SCAPER: variants seen among roughly 807,000 people sequenced by gnomAD.
SCAPER encodes S-phase cyclin A associated protein in the ER.
A neutral mutation model predicts 182.2 loss-of-function variants in SCAPER; 98 were observed. The ratio of observed to expected loss-of-function variants is 0.54; its 90% CI spans 0.46 to 0.64. The LOEUF is 0.64. SCAPER is among the 30% of genes least tolerant of loss of function. SCAPER has a pLI of 0.00. For missense variants in SCAPER, 1,432 were observed against 1,690.0 expected, an observed-to-expected ratio of 0.85 and a Z score of 2.68; for synonymous variants, 605 against 564.6, an observed-to-expected ratio of 1.07 and a Z score of -1.01.
chr15:76,784,930 G>A (rs2064464309), intron 8 of SCAPER, among the ~76,000 whole-genome samples: 1 of 152,158 alleles, frequency 6.6e-6, no homozygotes, highest in Non-Finnish European at 1.5e-5. Context: ...AAAAACTCTA[G>A]AAGAAAACCT....
rs2146493625 is a variant in SCAPER, at chr15:76,648,929, A to G, written c.2645+16724T>C. Reference sequence around the variant, plus strand: ...AGGTAGAGACCCTATCTGCATAATAAAAGATTAGGGTGGGATAGCCAGCTT... The same window carrying G: ...AGGTAGAGACCCTATCTGCATAATAGAAGATTAGGGTGGGATAGCCAGCTT... On this transcript the variant is annotated intron_variant, in intron 21 of 31. Transcript: ENST00000563290. Among the ~76,000 whole-genome samples the G allele has an allele frequency of 1.3e-5, 2 of 152,314 alleles. 1 individual carries two copies. Among genetic ancestry groups the G allele is most frequent in the South Asian group, 4.1e-4 (2 of 4,830 alleles).
intron 25 of SCAPER, 113 bp from the exon 26 acceptor site, chr15:76,434,423 AAG>A: frequency 6.5e-6 from 5 of 770,298 alleles, no homozygotes; most frequent in South Asian, 3.9e-5. Flanking sequence ...TAAAATGTTC[AAG>A]AGTGTTGGCT....
chr15:76,456,950 T>A (rs182275780), intron 25 of SCAPER, among the ~76,000 whole-genome samples: 3 of 152,316 alleles, frequency 2.0e-5, no homozygotes, highest in African/African-American at 7.2e-5. Flanking sequence ...TTTCAACCTG[T>A]ATTTATATGG....
At chr15:76,505,938 T>C (rs968254684) in intron 23 of SCAPER, among the ~76,000 whole-genome samples, 1 of 152,164 alleles carries the variant, frequency 6.6e-6, no homozygotes, top group Non-Finnish European at 1.5e-5. Flanking sequence ...ATCCTGTTAT[T>C]TGCAACAACA....
At chr15:76,487,634 C>G (rs549924354) in intron 24 of SCAPER, among the ~76,000 whole-genome samples, 1 of 152,006 alleles carries the variant, frequency 6.6e-6, no homozygotes, top group South Asian at 2.1e-4. Context: ...AGAGGAAATA[C>G]CTGGGAACTC....
In SCAPER at chr15:76,404,409, GAGGAAAGA is replaced by G. The variant is rs2044675910; in HGVS notation, c.3467+107_3467+114del. On this transcript the variant is annotated intron_variant, in intron 27 of 31. Transcript: ENST00000563290. ...AAGCCAATGATGGGGAAAGAACAAA[GAGGAAAGA>G]TGGCCAAGATGACCACTTGAATTCC... is the stretch of plus-strand genomic sequence containing the variant. The G allele has an allele frequency of 6.7e-6, 7 of 1,048,512 alleles. No homozygotes were observed. The African/African-American group carries it at 1.1e-4, about 17-fold the overall frequency. 65.0% of individuals were successfully genotyped at this position (1,048,512 alleles called of 1,614,324 possible).
At chr15:76,866,410 C>T (rs1360961623) in intron 2 of SCAPER, among the ~76,000 whole-genome samples, 1 of 152,154 alleles carries the variant, frequency 6.6e-6, no homozygotes, top group Non-Finnish European at 1.5e-5. Flanking sequence ...AACTTCAAAT[C>T]TAACATTCTT....
chr15:76,790,981 T>C (rs2064968895), intron 8 of SCAPER, among the ~76,000 whole-genome samples: 1 of 152,236 alleles, frequency 6.6e-6, no homozygotes, highest in South Asian at 2.1e-4. Context: ...TCTCACAAGT[T>C]GTTAAATGTT....
rs115063171 is a variant in SCAPER at position 76,800,275 on chromosome 15, G to A, written c.584C>T (p.Ser195Leu). Residue 195 changes from serine (S) to leucine (L), a missense_variant, in exon 7 of 32, where the codon TCA (serine) becomes TTA (leucine). Ser to Leu is a moderately radical substitution (Grantham distance 145, BLOSUM62 -2). Transcript: ENST00000563290. ...SPSTDRINVT[S>L]NARRSLNFGG... ...AAAATTTAAGCTTCGTCGAGCATTT[G>A]ATGTTACATTTATTCTATCTGTTGA... 1.9e-6 allele frequency: 3 copies of A among 1,612,142 alleles called. No homozygotes were observed. The African/African-American group carries it at 4.0e-5, about 22-fold the overall frequency.
chr15:76,673,152 A>T (rs1031160631), intron 20 of SCAPER, among the ~76,000 whole-genome samples: 2 of 152,128 alleles, frequency 1.3e-5, no homozygotes, highest in East Asian at 3.8e-4. Context: ...TATTATCAAC[A>T]TTTTCAAAAC....
intron 23 of SCAPER, among the ~76,000 whole-genome samples, chr15:76,514,608 G>C (rs180900818): frequency 6.6e-6 from 1 of 152,262 alleles, no homozygotes; most frequent in East Asian, 1.9e-4. Context: ...TGGCAGATGG[G>C]GAAAACTGTT....
intron 23 of SCAPER, among the ~76,000 whole-genome samples, chr15:76,531,814 T>A (rs774772239): frequency 7.2e-5 from 11 of 152,172 alleles, no homozygotes; most frequent in Non-Finnish European, 7.4e-5. Context: ...TACTGACCAG[T>A]CTTCAGTAAA....
intron 26 of SCAPER, among the ~76,000 whole-genome samples, chr15:76,430,473 G>C (rs555401042): frequency 6.6e-6 from 1 of 152,244 alleles, no homozygotes; most frequent in Non-Finnish European, 1.5e-5. Flanking sequence ...CGCCCAACAC[G>C]ATGGGAACCC....
chr15:76,604,965 T>C (rs2050247557), intron 22 of SCAPER, among the ~76,000 whole-genome samples: 1 of 152,194 alleles, frequency 6.6e-6, no homozygotes, highest in Non-Finnish European at 1.5e-5. Context: ...AATCATGTCA[T>C]CTGCAAACAG....
intron 23 of SCAPER, among the ~76,000 whole-genome samples, chr15:76,557,337 C>A (rs2145072509): frequency 6.6e-6 from 1 of 152,284 alleles, no homozygotes; most frequent in Non-Finnish European, 1.5e-5. Flanking sequence ...CTGGAGATAT[C>A]ACATTGCCCA....
intron 17 of SCAPER, among the ~76,000 whole-genome samples, chr15:76,712,879 T>G (rs79583818): frequency 0.37 from 56,236 of 150,664 alleles, 12,200 homozygotes; most frequent in Middle Eastern, 0.52. Flanking sequence ...TCATGTCATC[T>G]GCAAACAGGG....
At chr15:76,408,408 T>C (rs1470767953) in intron 26 of SCAPER, among the ~76,000 whole-genome samples, 1 of 152,124 alleles carries the variant, frequency 6.6e-6, no homozygotes, top group African/African-American at 2.4e-5. Flanking sequence ...CAGTGGAATG[T>C]TTTTGCAACT....
intron 21 of SCAPER, among the ~76,000 whole-genome samples, chr15:76,639,923 C>T (rs1164079269): frequency 5.9e-5 from 9 of 152,218 alleles, no homozygotes; most frequent in Non-Finnish European, 7.4e-5. Context: ...ATCCTTTAAT[C>T]AATATCATAG....
chr15:76,411,595 A>G (rs1414972666), intron 26 of SCAPER, among the ~76,000 whole-genome samples: 1 of 152,108 alleles, frequency 6.6e-6, no homozygotes, highest in Admixed American at 6.6e-5. Flanking sequence ...AATCCATGGG[A>G]AAGTCTTTTT....
Sources: gnomAD v4.1 joint callset for allele counts (sites outside exome capture counted in the v4.1 genomes callset) on GRCh38, gnomAD v4.1.1 for gene constraint, MANE v1.5 for transcripts, NCBI Gene and HGNC (gene_info 2026-07-23, HGNC 2026-07-21) for gene names.